The following ZNF462 variants were observed in gnomAD, a reference collection of about 807,000 sequenced individuals.
ZNF462 encodes zinc finger protein 462.
A neutral mutation model predicts 201.9 loss-of-function variants in ZNF462; 10 were observed. The ratio of observed to expected loss-of-function variants is 0.05; its 90% CI spans 0.03 to 0.08. The LOEUF (loss-of-function observed/expected upper bound fraction) is 0.08, where lower values mean the gene tolerates loss of function less well. Ranked by LOEUF, ZNF462 falls within the 10% of genes least tolerant of loss-of-function variation. The pLI is 1.00. For missense variants in ZNF462, 2,523 were observed against 3,168.3 expected, an observed-to-expected ratio of 0.80 and a Z score of 4.89; for synonymous variants, 1,227 against 1,193.3, an observed-to-expected ratio of 1.03 and a Z score of -0.58.
intron 1 of ZNF462, among the ~76,000 whole-genome samples, chr9:106,866,583 T>C (rs1827341789): frequency 6.6e-6 from 1 of 152,228 alleles, no homozygotes; most frequent in Non-Finnish European, 1.5e-5. Flanking sequence ...CTGTTAGATC[T>C]CTGCTCCTTT....
Position 106,928,147 on chromosome 9 carries a change from C to G in ZNF462, c.4235C>G (p.Ala1412Gly). The G allele has an allele frequency of 6.2e-7, 1 of 1,614,190 alleles. No individual in the cohort carries two copies. The highest frequency in any genetic ancestry group is 1.3e-5 in the African/African-American group (1 of 75,050). ...VLLDIIKEKD[A>G]VEKPILSSEE... ...CTGGACATCATCAAGGAGAAAGATG[C>G]TGTGGAGAAGCCCATTCTTTCATCC... Residue 1412 changes from alanine to glycine, a missense_variant, in exon 3 of 13, where the codon GCT becomes GGT. Transcript: ENST00000277225. This position sits in a 1 kb window ranked among gnomAD's most constrained non-coding sequence, Gnocchi z 9.3.
At chr9:106,976,251 G>T (rs1302420965) in intron 9 of ZNF462, 1 of 152,162 alleles carries the variant, frequency 6.6e-6, no homozygotes, top group Non-Finnish European at 1.5e-5. Flanking sequence ...TGTTCACAGT[G>T]GGCTGCAGAT....
intron 7 of ZNF462, among the ~76,000 whole-genome samples, chr9:106,960,175 A>T (rs1334738667): frequency 1.3e-5 from 2 of 152,070 alleles, no homozygotes; most frequent in Non-Finnish European, 2.9e-5. Flanking sequence ...AGCATCACTT[A>T]GAGCTCTACG....
chr9:106,928,422 G>T lies in ZNF462; in HGVS notation c.4510G>T (p.Ala1504Ser). 1 of 1,614,118 alleles carries T rather than the reference G, an allele frequency of 6.2e-7. No homozygotes were observed. The highest frequency in any genetic ancestry group is 1.1e-5 in the South Asian group (1 of 91,076). Reference sequence around the variant, plus strand: ...CATGAAAGTGAAGGCTGCTGACTTTGCCCAGGACATTGACATCAACCCAGG... The same window carrying T: ...CATGAAAGTGAAGGCTGCTGACTTTTCCCAGGACATTGACATCAACCCAGG... ...PGMKVKAADF[A>S]QDIDINPGAV... The change falls in exon 3 of 13, where the codon GCC (alanine) becomes TCC (serine). Residue 1504 changes from alanine to serine, a missense_variant. Ala to Ser is a moderately conservative substitution (Grantham distance 99). Coordinates refer to ENST00000277225, the MANE Select transcript of ZNF462 (RefSeq NM_021224.6). The surrounding 1 kb of genome is among the most constrained non-coding windows in gnomAD (Gnocchi z 9.3).
chr9:107,012,506 T>G lies in ZNF462; in HGVS notation c.*1476T>G, dbSNP rs55979495. 1,906 of 150,078 alleles carry G rather than the reference T, an allele frequency of 0.013. 35 individuals carry two copies. The highest frequency in any genetic ancestry group is 0.021 in the Non-Finnish European group (1,427 of 67,532). 9.3% of individuals were successfully genotyped at this position (150,078 alleles called of 1,614,324 possible). ...TGCTCTGTCCCCCATATCAGCTTTT[T>G]CAGGAGGGAGCAGCTTAGACTAAAT... On this transcript the variant is annotated 3_prime_UTR_variant, in exon 13 of 13. Coordinates refer to ENST00000277225, the MANE Select transcript of ZNF462 (RefSeq NM_021224.6).
chr9:106,932,192 G>C lies in ZNF462; in HGVS notation c.6013-254G>C, dbSNP rs1830451487. 2.0e-6 allele frequency: 3 copies of C among 1,530,482 alleles called. No homozygotes were observed. Among genetic ancestry groups the C allele is most frequent in the Non-Finnish European group, 1.8e-6 (2 of 1,140,930 alleles). 94.8% of individuals were successfully genotyped at this position (1,530,482 alleles called of 1,614,324 possible). On this transcript the variant is annotated intron_variant, in intron 4 of 12. Coordinates refer to ENST00000277225, the MANE Select transcript of ZNF462 (RefSeq NM_021224.6). The surrounding 1 kb of genome is among the most constrained non-coding windows in gnomAD (Gnocchi z 6.8). ...GTTTGGGAGAATGTAGGGAGAAAAA[G>C]AAAGCTGGAGGCAATGATGATGGAT...
chr9:106,864,107 T>TCTCTCC (rs1564062907), intron 1 of ZNF462, among the ~76,000 whole-genome samples: 2 of 100,328 alleles, frequency 2.0e-5, no homozygotes, highest in Non-Finnish European at 4.2e-5. Flanking sequence ...TCTCTCTCTC[T>TCTCTCC]CTCCCTCTCC....
intron 1 of ZNF462, among the ~76,000 whole-genome samples, chr9:106,903,830 C>G (rs966666118): frequency 6.6e-6 from 1 of 152,114 alleles, no homozygotes; most frequent in Non-Finnish European, 1.5e-5. Context: ...AGTTGAGTCT[C>G]CTGAAGGCAG....
Position 106,929,287 on chromosome 9 carries a change from G to A in ZNF462, c.5375G>A (p.Gly1792Glu). Reference protein sequence around the residue: ...IVSHYMKRHPGVFPKKQHASK... With the variant: ...IVSHYMKRHPEVFPKKQHASK... ...TCCCATTACATGAAACGCCACCCAG[G>A]GGTGTTCCCAAAGAAGCAGCACGCC... Residue 1792 changes from glycine (G) to glutamate (E), a missense_variant, in exon 3 of 13, where the codon GGG (glycine) becomes GAG (glutamate). Coordinates refer to ENST00000277225, the MANE Select transcript of ZNF462 (RefSeq NM_021224.6). The surrounding 1 kb of genome is among the most constrained non-coding windows in gnomAD (Gnocchi z 8.7). 5 of 1,614,138 alleles carry A rather than the reference G, an allele frequency of 3.1e-6. No homozygotes were observed. Among genetic ancestry groups the A allele is most frequent in the Non-Finnish European group, 3.4e-6 (4 of 1,180,038 alleles).
At position 106,886,538 on chromosome 9, in the gene ZNF462, C is replaced by CA. The variant is rs965444687; in HGVS notation, c.-31+23191dup. On this transcript the variant is annotated intron_variant, in intron 1 of 12. Transcript: ENST00000277225. This position sits in a 1 kb window ranked among gnomAD's most constrained non-coding sequence, Gnocchi z 4.6. ...CTCAAATATACAACAATGTCAGCTACAAAAAAAATAGAAGAGATAGGGTCT... is the reference window on the plus strand; with the variant it reads ...CTCAAATATACAACAATGTCAGCTACAAAAAAAAATAGAAGAGATAGGGTCT... Among the ~76,000 whole-genome samples the CA allele has an allele frequency of 1.3e-5, 2 of 151,622 alleles. No homozygotes were observed. The highest frequency in any genetic ancestry group is 2.9e-5 in the Non-Finnish European group (2 of 67,898).
intron 7 of ZNF462, among the ~76,000 whole-genome samples, chr9:106,943,261 C>T (rs965830254): frequency 3.3e-5 from 5 of 152,000 alleles, no homozygotes; most frequent in African/African-American, 4.8e-5. Context: ...CCTTTTGTAC[C>T]GATTTTTAAA....
Position 106,938,249 on chromosome 9 carries a change from C to A in ZNF462, c.6236-667C>A, listed in dbSNP as rs985634663. ...TGGAGATAAACACACACACTGTACC[C>A]CCTAAACCCCCATGTTTACATATAC... On this transcript the variant is annotated intron_variant, in intron 6 of 12. Transcript: ENST00000277225. The surrounding 1 kb of genome is among the most constrained non-coding windows in gnomAD (Gnocchi z 4.4). Among the ~76,000 whole-genome samples the A allele has an allele frequency of 6.6e-6, 1 of 152,124 alleles. No individual in the cohort carries two copies. The highest frequency in any genetic ancestry group is 2.4e-5 in the African/African-American group (1 of 41,414).
chr9:106,881,428 A>T (rs947014888), intron 1 of ZNF462, among the ~76,000 whole-genome samples: 1 of 152,168 alleles, frequency 6.6e-6, no homozygotes, highest in African/African-American at 2.4e-5. Context: ...GAATGATTTA[A>T]TCTTTGGTCC....
rs934203017 is a variant in ZNF462 at position 106,950,380 on chromosome 9, G to A, written c.6427+11273G>A. On this transcript the variant is annotated intron_variant, in intron 7 of 12. Transcript: ENST00000277225. This position sits in a 1 kb window ranked among gnomAD's most constrained non-coding sequence, Gnocchi z 4.1. Reference sequence around the variant, plus strand: ...TATCTTACTTGTCCCAAACTAAATGGAGTGAGCAGCTGTGTGGTTAGTAGC... The same window carrying A: ...TATCTTACTTGTCCCAAACTAAATGAAGTGAGCAGCTGTGTGGTTAGTAGC... Among the ~76,000 whole-genome samples, 3 of 152,168 alleles carry A rather than the reference G, an allele frequency of 2.0e-5. No homozygotes were observed. Among genetic ancestry groups the A allele is most frequent in the African/African-American group, 7.2e-5 (3 of 41,446 alleles).
intron 1 of ZNF462, among the ~76,000 whole-genome samples, chr9:106,897,907 G>A (rs1754633473): frequency 6.6e-6 from 1 of 152,148 alleles, no homozygotes; most frequent in African/African-American, 2.4e-5. Flanking sequence ...GGCTAAAGCC[G>A]TGCTCTAATT....
rs1386514717 is a variant in ZNF462 at position 107,009,297 on chromosome 9, G to C, written c.7190-248G>C. The C allele has an allele frequency of 2.2e-6, 1 of 459,208 alleles. No homozygotes were observed. The highest frequency in any genetic ancestry group is 1.9e-5 in the African/African-American group (1 of 51,312). The allele number at this position is 459,208 out of a possible 1,614,324, so 28.4% of individuals were successfully genotyped here. The stretch of plus-strand genomic sequence containing the variant: ...TTCAGTCAAGAAAGACCCAGATTTT[G>C]TGATAGAAGCATTGGGGAGGTGAGG... On this transcript the variant is annotated intron_variant, in intron 11 of 12. Coordinates refer to ENST00000277225, the MANE Select transcript of ZNF462 (RefSeq NM_021224.6). This position sits in a 1 kb window ranked among gnomAD's most constrained non-coding sequence, Gnocchi z 6.1.
intron 9 of ZNF462, among the ~76,000 whole-genome samples, chr9:106,983,169 G>A (rs1827575182): frequency 6.6e-6 from 1 of 152,190 alleles, no homozygotes. Context: ...AGACTGGTGT[G>A]AAATTTAATT....
rs1438671147 is a variant in ZNF462, at chr9:106,928,733, C to A, written c.4821C>A (p.Val1607=). 6.2e-7 allele frequency: 1 copy of A among 1,614,002 alleles called. No individual in the cohort carries two copies. Among genetic ancestry groups the A allele is most frequent in the Admixed American group, 1.7e-5 (1 of 59,990 alleles). The part of the protein sequence containing the change: ...EKYHNQPEFD[V]FSQSPPKLPV... ...ATCACAATCAGCCTGAATTTGATGT[C>A]TTTTCCCAGTCGCCCCCGAAGCTGC... The change falls in exon 3 of 13, where the codon GTC becomes GTA. Residue 1607 remains valine (V), a synonymous_variant. Transcript: ENST00000277225. The surrounding 1 kb of genome is among the most constrained non-coding windows in gnomAD (Gnocchi z 9.3).
chr9:106,903,905 G>A (rs1313895120), intron 1 of ZNF462, among the ~76,000 whole-genome samples: 1 of 152,130 alleles, frequency 6.6e-6, no homozygotes, highest in Non-Finnish European at 1.5e-5. Flanking sequence ...GGAGCATTTA[G>A]GCCATTTACA....
Sources: gnomAD v4.1 joint callset for allele counts (sites outside exome capture counted in the v4.1 genomes callset) on GRCh38, gnomAD v4.1.1 for gene constraint, Gnocchi (gnomAD v3.1) non-coding constraint, MANE v1.5 for transcripts, NCBI Gene and HGNC (gene_info 2026-07-23, HGNC 2026-07-21) for gene names.